Variants in TRRAP observed in about 807,000 individuals in gnomAD.
The protein encoded by TRRAP is transformation/transcription domain-associated protein.
Under a neutral mutation model 438.8 loss-of-function variants are expected in TRRAP, and 41 were observed. The ratio of observed to expected loss-of-function variants is 0.09; its 90% CI spans 0.07 to 0.12. The LOEUF (loss-of-function observed/expected upper bound fraction) is 0.12. TRRAP is among the 10% of genes least tolerant of loss of function. The pLI is 1.00. For synonymous variants in TRRAP, 1,994 were observed against 1,962.9 expected, an observed-to-expected ratio of 1.02 and a Z score of -0.42; for missense variants, 3,122 against 5,055.1, an observed-to-expected ratio of 0.62 and a Z score of 11.60.
chr7:98,942,169 C>G (rs782196886), intron 30 of TRRAP, among the ~76,000 whole-genome samples: 25 of 152,322 alleles, frequency 1.6e-4, no homozygotes, highest in Middle Eastern at 6.8e-3. Flanking sequence ...AGTCTGGGGT[C>G]TCTTCCCATA....
At chr7:98,881,571 CAA>C (rs35358303) in intron 2 of TRRAP, 1,129 of 123,328 alleles carry the variant, frequency 9.2e-3, no homozygotes, top group Middle Eastern at 0.019. Context: ...GACTCCCTCT[CAA>C]AAAAAAAAAA....
At chr7:98,983,787 C>A (rs1793039577) in intron 60 of TRRAP, among the ~76,000 whole-genome samples, 1 of 152,190 alleles carries the variant, frequency 6.6e-6, no homozygotes, top group Non-Finnish European at 1.5e-5. Flanking sequence ...TCAGGTGGCT[C>A]TGCGTGGCCT....
At chr7:98,903,275 G>A in intron 11 of TRRAP, 104 bp from the exon 12 acceptor site, 1 of 1,458,600 alleles carries the variant, frequency 6.9e-7, no homozygotes, top group Non-Finnish European at 9.3e-7. Flanking sequence ...ACCCACCTCG[G>A]CCTCCCAAAG....
chr7:98,955,800 G>T (rs1791573591), intron 41 of TRRAP, among the ~76,000 whole-genome samples: 1 of 152,136 alleles, frequency 6.6e-6, no homozygotes. Flanking sequence ...TTGCTTTTGG[G>T]TATGTCTTAA....
At chr7:98,991,328 G>A (rs917933114) in intron 64 of TRRAP, among the ~76,000 whole-genome samples, 1 of 152,188 alleles carries the variant, frequency 6.6e-6, no homozygotes, top group African/African-American at 2.4e-5. Flanking sequence ...GTTCAGGAAG[G>A]AGCTGGGCCC....
rs952560631 is a variant in TRRAP at position 98,976,325 on chromosome 7, T to C, written c.7959+57T>C. On this transcript the variant is annotated intron_variant, in intron 54 of 72. Coordinates refer to ENST00000456197, the MANE Select transcript of TRRAP (RefSeq NM_001375524.1). This position sits in a 1 kb window ranked among gnomAD's most constrained non-coding sequence, Gnocchi z 4.6. The stretch of plus-strand genomic sequence containing the variant: ...AATTGTAGTTTTAGCTTTTGGTAAG[T>C]ATTCATAAAAGAACACAGTCTCGAA... 3.7e-6 allele frequency: 6 copies of C among 1,603,198 alleles called. No individual in the cohort carries two copies. The African/African-American group carries it at 6.7e-5, about 18-fold the overall frequency.
In TRRAP at chr7:98,902,592, A is replaced by ATGGACC. The variant is rs1554406815; in HGVS notation, c.898-783_898-782insCCTGGA. Among the ~76,000 whole-genome samples the ATGGACC allele has an allele frequency of 2.0e-5, 3 of 151,658 alleles. No homozygotes were observed. The East Asian group carries it at 5.8e-4, about 29-fold the overall frequency. On this transcript the variant is annotated intron_variant, in intron 11 of 72. Transcript: ENST00000456197. ...GATAATGATAGCTTACATGAAGAAA[A>ATGGACC]TGGAACATTTGGTGTAAAAAGTCAA...
intron 28 of TRRAP, 23 bp downstream of exon 28, chr7:98,935,698 G>T: frequency 6.4e-7 from 1 of 1,563,966 alleles, no homozygotes; most frequent in South Asian, 1.2e-5. Context: ...AAATCTACGG[G>T]GTATAAAAGT....
In TRRAP at chr7:98,988,892, G is replaced by A. The variant is rs773731618; in HGVS notation, c.9517G>A (p.Val3173Met). ...GAAGGAGCGGCAGCTGCACCTGGGC[G>A]TGTCTGCCATCACCTGCTACCTGCA... Reference protein sequence around the residue: ...FVKERQLHLGVSAITCYLHAC... With the variant: ...FVKERQLHLGMSAITCYLHAC... The change falls in exon 63 of 73, where the codon GTG (valine) becomes ATG (methionine). Residue 3173 changes from valine to methionine, a missense_variant. Val to Met is a conservative substitution (Grantham distance 21). Coordinates refer to ENST00000456197, the MANE Select transcript of TRRAP (RefSeq NM_001375524.1). The A allele has an allele frequency of 4.3e-6, 7 of 1,614,020 alleles. No homozygotes were observed. Among genetic ancestry groups the A allele is most frequent in the East Asian group, 2.2e-5 (1 of 44,886 alleles).
chr7:98,949,621 A>C, intron 36 of TRRAP, 39 bp from the exon 37 acceptor site: 1 of 1,594,714 alleles, frequency 6.3e-7, no homozygotes, highest in Non-Finnish European at 8.5e-7. Flanking sequence ...CCAGGGGTTT[A>C]ATCGAGACAC....
In TRRAP at chr7:98,906,214, C is replaced by T. The variant is rs782494325; in HGVS notation, c.1074C>T (p.Ser358=). ...GCATGGACAAGCTGTTTGATGAATC[C>T]ATACTAATTGGCTCAGGATATACTG... The part of the protein sequence containing the change: ...IPCMDKLFDE[S]ILIGSGYTAR... The change falls in exon 13 of 73, where the codon TCC becomes TCT. Residue 358 remains serine, a synonymous_variant. Transcript: ENST00000456197. The T allele has an allele frequency of 6.2e-6, 10 of 1,613,722 alleles. No individual in the cohort carries two copies. Among genetic ancestry groups the T allele is most frequent in the Admixed American group, 3.3e-5 (2 of 59,980 alleles).
At chr7:98,929,097 C>G (rs1554412238) in intron 23 of TRRAP, among the ~76,000 whole-genome samples, 1 of 152,048 alleles carries the variant, frequency 6.6e-6, no homozygotes, top group Non-Finnish European at 1.5e-5. Flanking sequence ...TACCACCACG[C>G]CCGGGTAATT....
chr7:98,998,692 T>C (rs1482617585), intron 67 of TRRAP: 1 of 168,036 alleles, frequency 6.0e-6, no homozygotes, highest in East Asian at 1.9e-4. Context: ...AGCCAGTACA[T>C]GGCATCCACC....
chr7:98,952,900 G>A (rs996303432), intron 39 of TRRAP, among the ~76,000 whole-genome samples: 1 of 152,168 alleles, frequency 6.6e-6, no homozygotes, highest in African/African-American at 2.4e-5. Context: ...GCATGACTCA[G>A]CTTTCAGCTT....
At chr7:98,888,609 C>T (rs1279947162) in intron 3 of TRRAP, among the ~76,000 whole-genome samples, 3 of 152,198 alleles carry the variant, frequency 2.0e-5, no homozygotes, top group African/African-American at 7.2e-5. Flanking sequence ...GTTGATATGC[C>T]TTTTACACTC....
At chr7:98,957,328 G>A (rs1462560635) in intron 43 of TRRAP, among the ~76,000 whole-genome samples, 1 of 152,180 alleles carries the variant, frequency 6.6e-6, no homozygotes, top group Non-Finnish European at 1.5e-5. Flanking sequence ...TCACAAAGCA[G>A]TCAGACTTCC....
intron 65 of TRRAP, 65 bp downstream of exon 65, chr7:98,992,292 CCAGA>C: frequency 1.3e-6 from 2 of 1,544,002 alleles, no homozygotes; most frequent in South Asian, 2.2e-5. Context: ...TGCCCCACAT[CCAGA>C]CAGACCACCG....
intron 19 of TRRAP, 80 bp from the exon 20 acceptor site, chr7:98,917,343 G>C: frequency 6.5e-7 from 1 of 1,549,248 alleles, no homozygotes; most frequent in South Asian, 1.2e-5. Context: ...GAGAAGGAGG[G>C]GCAGTTCTTT....
chr7:98,884,995 G>A lies in TRRAP; in HGVS notation c.150+2971G>A, dbSNP rs191461540. On this transcript the variant is annotated intron_variant, in intron 3 of 72. Coordinates refer to ENST00000456197, the MANE Select transcript of TRRAP (RefSeq NM_001375524.1). ...TTTGTTACTTATTTTTTTCACATCA[G>A]ATGGGTAATGTGCTGACATAACAAG... 3.9e-4 allele frequency among the ~76,000 whole-genome samples: 60 copies of A among 152,222 alleles called. No homozygotes were observed. The East Asian group carries it at 0.011, about 27-fold the overall frequency.
Sources: allele counts gnomAD v4.1 joint callset (sites outside exome capture counted in the v4.1 genomes callset), GRCh38; gene constraint gnomAD v4.1.1; non-coding constraint Gnocchi (gnomAD v3.1); transcripts MANE v1.5; gene names NCBI Gene and HGNC (gene_info 2026-07-23, HGNC 2026-07-21).